PRRX1: variants seen among roughly 807,000 people sequenced by gnomAD.
PRRX1 encodes paired mesoderm homeobox protein 1.
Under a neutral mutation model 24.0 loss-of-function variants are expected in PRRX1, and 8 were observed. The observed-to-expected ratio is 0.33, with a 90% CI of 0.20 to 0.60. PRRX1 has a LOEUF of 0.60. Among genes scored for constraint, PRRX1 ranks in the 20% least tolerant of loss-of-function variants. PRRX1 has a pLI of 0.82. For missense variants in PRRX1, 281 were observed against 322.4 expected, an observed-to-expected ratio of 0.87 and a Z score of 0.98; for synonymous variants, 160 against 131.7, an observed-to-expected ratio of 1.22 and a Z score of -1.47.
chr1:170,678,985 T>A (rs1653414281), intron 1 of PRRX1, among the ~76,000 whole-genome samples: 1 of 152,216 alleles, frequency 6.6e-6, no homozygotes. Context: ...ATGATTTTTA[T>A]ATCCCACAAA....
intron 1 of PRRX1, among the ~76,000 whole-genome samples, chr1:170,666,636 G>A (rs1443365431): frequency 3.3e-5 from 5 of 152,134 alleles, no homozygotes; most frequent in Non-Finnish European, 7.4e-5. Context: ...GAGACTAGAT[G>A]CTGCTTTGCC....
rs2227207 is a variant in PRRX1, at chr1:170,738,107, T to C, written c.*1921T>C. The C allele has an allele frequency of 4.6e-6, 1 of 216,886 alleles. No homozygotes were observed. The highest frequency in any genetic ancestry group is 9.3e-6 in the Non-Finnish European group (1 of 107,480). The allele number at this position is 216,886 out of a possible 1,614,324, so 13.4% of individuals were successfully genotyped here. A position where few individuals can be genotyped will look rare whatever the true frequency, so the allele number is the denominator to read the frequency against. Reference sequence around the variant, plus strand: ...ACACATAGAACAGATTTTTTTAATTTATATTTTCATCCTGACCAGCTTAGT... The same window carrying C: ...ACACATAGAACAGATTTTTTTAATTCATATTTTCATCCTGACCAGCTTAGT... On this transcript the variant is annotated 3_prime_UTR_variant, in exon 4 of 4. Transcript: ENST00000239461.
rs1266010054 is a variant in PRRX1, at chr1:170,739,024, A to G, written c.*2838A>G. On this transcript the variant is annotated 3_prime_UTR_variant, in exon 4 of 4. Transcript: ENST00000239461. ...GTTCATTTATTATCAAATTTTTAAAATACAAGTTTGGTATGTGATTTGGAA... is the reference window on the plus strand; with the variant it reads ...GTTCATTTATTATCAAATTTTTAAAGTACAAGTTTGGTATGTGATTTGGAA... The G allele has an allele frequency of 1.8e-5, 4 of 221,048 alleles. No homozygotes were observed. Among genetic ancestry groups the G allele is most frequent in the Non-Finnish European group, 3.6e-5 (4 of 110,426 alleles). 13.7% of individuals were successfully genotyped at this position (221,048 alleles called of 1,614,324 possible).
Position 170,737,939 on chromosome 1 carries a change from T to C in PRRX1, c.*1753T>C, listed in dbSNP as rs1322887469. On this transcript the variant is annotated 3_prime_UTR_variant, in exon 4 of 4. Transcript: ENST00000239461. ...AAAGTGTACAATGTTAATGGAATGA[T>C]ACGGTACCTGAAAGCCTTGTTTTCT... 2 of 216,774 alleles carry C rather than the reference T, an allele frequency of 9.2e-6. No individual in the cohort carries two copies. The highest frequency in any genetic ancestry group is 1.9e-5 in the Non-Finnish European group (2 of 107,474). 13.4% of individuals were successfully genotyped at this position (216,774 alleles called of 1,614,324 possible).
At chr1:170,725,302 A>T (rs1339862747) in intron 2 of PRRX1, among the ~76,000 whole-genome samples, 1 of 152,216 alleles carries the variant, frequency 6.6e-6, no homozygotes, top group Non-Finnish European at 1.5e-5. Flanking sequence ...TAAAATAAAA[A>T]TAAATAAAAT....
intron 1 of PRRX1, among the ~76,000 whole-genome samples, chr1:170,673,185 G>A (rs544819828): frequency 1.2e-4 from 19 of 152,286 alleles, no homozygotes; most frequent in Admixed American, 9.1e-4. Context: ...GAATTTGAAA[G>A]TTCCCATTGA....
intron 1 of PRRX1, among the ~76,000 whole-genome samples, chr1:170,717,057 G>C (rs910633817): frequency 1.3e-5 from 2 of 152,138 alleles, no homozygotes; most frequent in African/African-American, 4.8e-5. Context: ...TATTATACTT[G>C]CACTCTGAAG....
At chr1:170,665,285 A>C (rs1270028943) in intron 1 of PRRX1, among the ~76,000 whole-genome samples, 1 of 152,164 alleles carries the variant, frequency 6.6e-6, no homozygotes, top group Non-Finnish European at 1.5e-5. Flanking sequence ...ACGCCCAGAA[A>C]AGTCCAGTTT....
chr1:170,704,486 T>A (rs1025028964), intron 1 of PRRX1, among the ~76,000 whole-genome samples: 1 of 152,210 alleles, frequency 6.6e-6, no homozygotes, highest in African/African-American at 2.4e-5. Context: ...GTACACAAGA[T>A]GTAATTGATT....
chr1:170,724,895 A>T (rs1655205372), intron 2 of PRRX1, among the ~76,000 whole-genome samples: 1 of 152,170 alleles, frequency 6.6e-6, no homozygotes, highest in Non-Finnish European at 1.5e-5. Context: ...TGTGATATTG[A>T]TTCTTCCTAT....
At chr1:170,692,741 T>TCTCTCTCTCA (rs372525166) in intron 1 of PRRX1, among the ~76,000 whole-genome samples, 2 of 139,568 alleles carry the variant, frequency 1.4e-5, no homozygotes, top group South Asian at 2.3e-4. Flanking sequence ...TCTCTCTCTC[T>TCTCTCTCTCA]CACACACACA....
chr1:170,733,838 A>C (rs1000772097), intron 3 of PRRX1, among the ~76,000 whole-genome samples: 1 of 152,094 alleles, frequency 6.6e-6, no homozygotes, highest in Non-Finnish European at 1.5e-5. Flanking sequence ...ACATACATTT[A>C]TGGTAAGGTC....
At chr1:170,718,943 G>A (rs1014319441) in intron 1 of PRRX1, among the ~76,000 whole-genome samples, 1 of 152,188 alleles carries the variant, frequency 6.6e-6, no homozygotes, top group Non-Finnish European at 1.5e-5. Flanking sequence ...TAAAAATGGA[G>A]TTGTGATTCT....
intron 1 of PRRX1, among the ~76,000 whole-genome samples, chr1:170,717,031 G>A (rs142909253): frequency 3.4e-4 from 52 of 152,276 alleles, no homozygotes; most frequent in Admixed American, 1.2e-3. Flanking sequence ...TCTGTTGCCC[G>A]CTCATCGTCT....
chr1:170,717,180 G>T (rs907146001), intron 1 of PRRX1, among the ~76,000 whole-genome samples: 2 of 152,144 alleles, frequency 1.3e-5, no homozygotes, highest in African/African-American at 2.4e-5. Context: ...ACATTCACTG[G>T]GAAACTTTTG....
intron 3 of PRRX1, among the ~76,000 whole-genome samples, chr1:170,735,252 T>C (rs144349984): frequency 5.9e-5 from 9 of 152,276 alleles, no homozygotes; most frequent in Admixed American, 4.6e-4. Flanking sequence ...TCTATGACAA[T>C]GAAAAACAAG....
At chr1:170,730,287 C>T in intron 3 of PRRX1, 2 of 1,610,828 alleles carry the variant, frequency 1.2e-6, no homozygotes, top group Non-Finnish European at 1.7e-6. Flanking sequence ...ATCCTCGTCC[C>T]TCCCAAGATG....
chr1:170,709,705 C>T (rs1398517263), intron 1 of PRRX1, among the ~76,000 whole-genome samples: 3 of 152,176 alleles, frequency 2.0e-5, no homozygotes, highest in African/African-American at 4.8e-5. Context: ...AGCATCTCAT[C>T]GCTTGGCATG....
At chr1:170,692,084 T>C (rs770628744) in intron 1 of PRRX1, among the ~76,000 whole-genome samples, 37 of 152,184 alleles carry the variant, frequency 2.4e-4, no homozygotes, top group Non-Finnish European at 4.0e-4. Flanking sequence ...CACATAAATA[T>C]AATATCAAAT....
Sources: allele counts gnomAD v4.1 joint callset (sites outside exome capture counted in the v4.1 genomes callset), GRCh38; gene constraint gnomAD v4.1.1; transcripts MANE v1.5; gene names NCBI Gene and HGNC (gene_info 2026-07-23, HGNC 2026-07-21).